Variants in SCHIP1 observed in about 807,000 individuals in gnomAD.
SCHIP1 encodes schwannomin-interacting protein 1.
In SCHIP1, 8 loss-of-function variants were observed where a neutral mutation model predicts 29.7. That is an observed-to-expected ratio of 0.27 (90% CI 0.16 to 0.49). SCHIP1 has a LOEUF of 0.49. SCHIP1 is among the 20% of genes least tolerant of loss of function. SCHIP1 has a pLI of 0.99. For missense variants in SCHIP1, 193 were observed against 294.6 expected (o/e 0.66, Z 2.52); for synonymous variants, 76 against 94.9 (o/e 0.80, Z 1.16).
At chr3:159,788,818 AC>A in the SCHIP1 span, among the ~76,000 whole-genome samples, 4 of 152,182 alleles carry the variant, frequency 2.6e-5, no homozygotes, top group African/African-American at 9.7e-5. Context: ...GAGAAACATA[AC>A]CAATAGGGTA....
the SCHIP1 span, among the ~76,000 whole-genome samples, chr3:159,615,999 G>A: frequency 6.6e-6 from 1 of 152,066 alleles, no homozygotes; most frequent in African/African-American, 2.4e-5. Context: ...GTCTATCTGA[G>A]GCCTGCACCC....
At chr3:159,575,847 T>C in the SCHIP1 span, among the ~76,000 whole-genome samples, 3 of 152,228 alleles carry the variant, frequency 2.0e-5, no homozygotes, top group African/African-American at 7.2e-5. Context: ...TGATTTCCGA[T>C]ATTTTTCCAC....
chr3:159,426,612 G>A, the SCHIP1 span, among the ~76,000 whole-genome samples: 52 of 152,160 alleles, frequency 3.4e-4, no homozygotes, highest in Admixed American at 6.5e-4. Flanking sequence ...GGTACAAGGA[G>A]GAACTGGTAC....
the SCHIP1 span, among the ~76,000 whole-genome samples, chr3:159,349,686 A>G: frequency 1.3e-5 from 2 of 152,166 alleles, no homozygotes; most frequent in Admixed American, 1.3e-4. Flanking sequence ...GTGTGACATG[A>G]TAGAGAAAGT....
the SCHIP1 span, among the ~76,000 whole-genome samples, chr3:159,372,162 A>T: frequency 6.6e-6 from 1 of 152,184 alleles, no homozygotes; most frequent in African/African-American, 2.4e-5. Context: ...CAGTAATTAA[A>T]AGCTGTTATC....
chr3:159,714,098 G>A, the SCHIP1 span, among the ~76,000 whole-genome samples: 9 of 152,086 alleles, frequency 5.9e-5, no homozygotes, highest in East Asian at 1.9e-4. Context: ...TTAGCCAAGC[G>A]TGGTGGGAGG....
the SCHIP1 span, among the ~76,000 whole-genome samples, chr3:159,824,905 T>G: frequency 6.6e-6 from 1 of 152,330 alleles, no homozygotes; most frequent in Middle Eastern, 3.4e-3. Context: ...TTCTTTTTAA[T>G]TTACTTTTTT....
the SCHIP1 span, among the ~76,000 whole-genome samples, chr3:159,615,239 G>A: frequency 1.3e-5 from 2 of 152,200 alleles, no homozygotes; most frequent in Admixed American, 1.3e-4. Flanking sequence ...GTGTTGTGAG[G>A]AAGAGGGAAG....
chr3:159,538,771 C>A, the SCHIP1 span, among the ~76,000 whole-genome samples: 2 of 152,130 alleles, frequency 1.3e-5, no homozygotes, highest in Admixed American at 6.6e-5. Context: ...CAGTTTCATT[C>A]ATTGACCAGA....
At chr3:159,832,150 A>G in the SCHIP1 span, among the ~76,000 whole-genome samples, 229 of 152,222 alleles carry the variant, frequency 1.5e-3, no homozygotes, top group Non-Finnish European at 2.3e-3. Context: ...AGGGGTTTTA[A>G]CCTGCAGCAG....
At chr3:159,324,546 T>G in the SCHIP1 span, among the ~76,000 whole-genome samples, 1 of 152,170 alleles carries the variant, frequency 6.6e-6, no homozygotes, top group Non-Finnish European at 1.5e-5. Context: ...TATTAGCATA[T>G]TTTTAAGTGC....
At chr3:159,389,700 G>C in the SCHIP1 span, among the ~76,000 whole-genome samples, 1 of 151,964 alleles carries the variant, frequency 6.6e-6, no homozygotes, top group Non-Finnish European at 1.5e-5. Context: ...ACCTTAAATT[G>C]TTTGAAAAAA....
the SCHIP1 span, among the ~76,000 whole-genome samples, chr3:159,414,543 G>A: frequency 6.6e-6 from 1 of 152,054 alleles, no homozygotes; most frequent in Non-Finnish European, 1.5e-5. Context: ...TTTTACTGTT[G>A]GCTGTTCATA....
At chr3:159,423,264 C>G in the SCHIP1 span, among the ~76,000 whole-genome samples, 1 of 152,220 alleles carries the variant, frequency 6.6e-6, no homozygotes, top group African/African-American at 2.4e-5. Flanking sequence ...CATTGCCTCA[C>G]TCGGGAAGCT....
chr3:159,522,065 A>G, the SCHIP1 span, among the ~76,000 whole-genome samples: 14 of 152,334 alleles, frequency 9.2e-5, no homozygotes, highest in East Asian at 2.7e-3. Flanking sequence ...TCAAAAGTGT[A>G]ATTAGACATA....
At chr3:159,488,652 A>G in the SCHIP1 span, among the ~76,000 whole-genome samples, 5 of 152,154 alleles carry the variant, frequency 3.3e-5, no homozygotes, top group African/African-American at 1.2e-4. Context: ...ATTGCACAGA[A>G]AGAAGGCCAG....
At chr3:159,429,516 A>T in the SCHIP1 span, among the ~76,000 whole-genome samples, 1 of 152,164 alleles carries the variant, frequency 6.6e-6, no homozygotes, top group African/African-American at 2.4e-5. Context: ...AGCAGGCACC[A>T]AGGAGAGCAG....
chr3:159,335,923 A>T, the SCHIP1 span, among the ~76,000 whole-genome samples: 1 of 152,288 alleles, frequency 6.6e-6, no homozygotes, highest in East Asian at 1.9e-4. Context: ...CGCCACACTG[A>T]CTTCCACAAT....
the SCHIP1 span, among the ~76,000 whole-genome samples, chr3:159,635,367 G>T: frequency 1.3e-5 from 2 of 152,160 alleles, no homozygotes; most frequent in Non-Finnish European, 2.9e-5. Flanking sequence ...GAGGGGCAAC[G>T]ATGGTGCTTG....
Sources: allele counts gnomAD v4.1 joint callset (sites outside exome capture counted in the v4.1 genomes callset), GRCh38; gene constraint gnomAD v4.1.1; transcripts MANE v1.5; gene names NCBI Gene and HGNC (gene_info 2026-07-23, HGNC 2026-07-21).